Variants in EIF4B observed in about 807,000 individuals in gnomAD.
The protein encoded by EIF4B is eukaryotic translation initiation factor 4B.
EIF4B carries 8 observed loss-of-function variants against 79.3 expected under a neutral mutation model. The observed-to-expected ratio is 0.10, with a 90% CI of 0.06 to 0.18. The LOEUF (loss-of-function observed/expected upper bound fraction) is 0.18, where lower values mean the gene tolerates loss of function less well. Among genes scored for constraint, EIF4B ranks in the 10% least tolerant of loss-of-function variants. EIF4B has a pLI of 1.00. For synonymous variants in EIF4B, 238 were observed against 274.7 expected, an observed-to-expected ratio of 0.87 and a Z score of 1.32; for missense variants, 515 against 792.4, an observed-to-expected ratio of 0.65 and a Z score of 4.20.
chr12:53,022,592 A>G lies in EIF4B; in HGVS notation c.632A>G (p.Tyr211Cys), dbSNP rs1350965358. ...CCTGCTACAGACAGCTTTGATGACT[A>G]CCCACCTAGAAGAGGTGATGATAGC... ...ARPATDSFDDYPPRRGDDSFG... is the reference protein window; with the variant it reads ...ARPATDSFDDCPPRRGDDSFG... Residue 211 changes from tyrosine to cysteine, a missense_variant, in exon 6 of 15, where the codon TAC (tyrosine) becomes TGC (cysteine). Physicochemically the swap from Tyr to Cys is radical, Grantham distance 194. Around this residue, in one of 6 missense-constraint regions of EIF4B, gnomAD observed 187 missense variants for 256.5 expected, o/e 0.73. Transcript: ENST00000262056. The G allele has an allele frequency of 6.2e-7, 1 of 1,613,946 alleles. No individual in the cohort carries two copies. The highest frequency in any genetic ancestry group is 8.5e-7 in the Non-Finnish European group (1 of 1,179,904).
intron 6 of EIF4B, among the ~76,000 whole-genome samples, chr12:53,025,601 G>A (rs547373841): frequency 2.0e-5 from 3 of 152,112 alleles, no homozygotes; most frequent in East Asian, 1.9e-4. Flanking sequence ...AGTGTAAATC[G>A]CATCTCCAGA....
At chr12:53,022,360 G>T (rs1025381346) in intron 5 of EIF4B, 133 bp from the exon 6 acceptor site, 10 of 1,287,242 alleles carry the variant, frequency 7.8e-6, no homozygotes, top group Non-Finnish European at 1.1e-5. Flanking sequence ...TACTTATGGG[G>T]CCTGAGGTAA....
At chr12:53,031,666 A>G (rs988011798) in intron 8 of EIF4B, among the ~76,000 whole-genome samples, 1 of 152,248 alleles carries the variant, frequency 6.6e-6, no homozygotes, top group Non-Finnish European at 1.5e-5. Context: ...ACAGATTTAA[A>G]ATATGTTTAG....
At chr12:53,026,589 A>G (rs765163315) in intron 6 of EIF4B, among the ~76,000 whole-genome samples, 1 of 152,144 alleles carries the variant, frequency 6.6e-6, no homozygotes, top group South Asian at 2.1e-4. Flanking sequence ...TTCAGTATTT[A>G]TACTAATTTA....
At chr12:53,037,803 C>T (rs1337320976) in intron 11 of EIF4B, 181 bp downstream of exon 11, 5 of 665,236 alleles carry the variant, frequency 7.5e-6, no homozygotes, top group East Asian at 2.8e-5. Flanking sequence ...TCTGGAGTTC[C>T]ACCACTTTGA....
intron 8 of EIF4B, among the ~76,000 whole-genome samples, chr12:53,031,090 T>G (rs1943436554): frequency 6.6e-6 from 1 of 152,058 alleles, no homozygotes. Context: ...TTACTGGCCA[T>G]TGCCTCCTAA....
intron 8 of EIF4B, among the ~76,000 whole-genome samples, chr12:53,029,837 T>A (rs151094031): frequency 3.3e-4 from 51 of 152,274 alleles, no homozygotes; most frequent in African/African-American, 1.2e-3. Context: ...GCAATTCTAT[T>A]GCAGTGAGGT....
intron 10 of EIF4B, 100 bp downstream of exon 10, chr12:53,034,809 A>T (rs1267348235): frequency 7.3e-7 from 1 of 1,370,574 alleles, no homozygotes; most frequent in African/African-American, 1.4e-5. Flanking sequence ...TTCAGTCATG[A>T]ACTCTTTATT....
At chr12:53,021,409 AG>A (rs1271582986) in intron 4 of EIF4B, among the ~76,000 whole-genome samples, 1 of 152,226 alleles carries the variant, frequency 6.6e-6, no homozygotes, top group Non-Finnish European at 1.5e-5. Flanking sequence ...CTGAGACTGT[AG>A]GTACATGCCA....
chr12:53,009,193 G>A (rs1267579449), intron 1 of EIF4B, among the ~76,000 whole-genome samples: 1 of 152,106 alleles, frequency 6.6e-6, no homozygotes, highest in Non-Finnish European at 1.5e-5. Context: ...TACCTAGAGG[G>A]AATCAAATGC....
Position 53,037,397 on chromosome 12 carries a change from C to G in EIF4B, c.1307-12C>G. 1.2e-6 allele frequency: 2 copies of G among 1,608,780 alleles called. No homozygotes were observed. The highest frequency in any genetic ancestry group is 1.7e-6 in the Non-Finnish European group (2 of 1,178,242). ...AGCCTGATAATTTGATATTTTCACT[C>G]TGGCTTCACAGATGCACGAAGGAGA... is the stretch of plus-strand genomic sequence containing the variant. On this transcript the variant is annotated splice_polypyrimidine_tract_variant and intron_variant, in intron 10 of 14. Transcript: ENST00000262056.
chr12:53,011,766 C>A (rs538300047), intron 1 of EIF4B, among the ~76,000 whole-genome samples: 16 of 152,272 alleles, frequency 1.1e-4, no homozygotes, highest in African/African-American at 3.9e-4. Context: ...TTTTTAAGAT[C>A]TTTTATTAAA....
chr12:53,030,410 A>ATTTTTTTTTTTTTTTTTTTTTTTTT (rs1555153412), intron 8 of EIF4B, among the ~76,000 whole-genome samples: 21 of 34,232 alleles, frequency 6.1e-4, no homozygotes, highest in Non-Finnish European at 1.8e-3. Flanking sequence ...AAAAAATTAT[A>ATTTTTTTTTTTTTTTTTTTTTTTTT]TTCTTTTTTT....
chr12:53,024,984 T>A (rs1040577453), intron 6 of EIF4B, among the ~76,000 whole-genome samples: 59 of 152,258 alleles, frequency 3.9e-4, no homozygotes, highest in African/African-American at 1.4e-3. Context: ...GAGGTACCTT[T>A]TGAGCTTTGT....
chr12:53,007,420 CTTTTTTTTTTTTTTT>C (rs56017954), intron 1 of EIF4B, among the ~76,000 whole-genome samples: 2 of 92,248 alleles, frequency 2.2e-5, no homozygotes, highest in South Asian at 4.0e-4. Flanking sequence ...AGATTTCAGC[CTTTTTTTTTTTTTTT>C]TTTTTTTTTT....
chr12:53,029,564 C>T (rs550261436), intron 8 of EIF4B, among the ~76,000 whole-genome samples: 14 of 152,160 alleles, frequency 9.2e-5, no homozygotes, highest in African/African-American at 3.1e-4. Flanking sequence ...TTAGTAGAGA[C>T]AGGGTTTCAC....
chr12:53,015,680 C>CAA lies in EIF4B; in HGVS notation c.14-782_14-781dup, dbSNP rs35255041. Among the ~76,000 whole-genome samples the CAA allele has an allele frequency of 9.9e-3, 1,419 of 143,510 alleles. 26 individuals carry two copies. The highest frequency in any genetic ancestry group is 0.051 in the Admixed American group (731 of 14,350). 94.1% of individuals were successfully genotyped at this position (143,510 alleles called of 152,430 possible). A position where few individuals can be genotyped will look rare whatever the true frequency, so the allele number is the denominator to read the frequency against. Reference sequence around the variant, plus strand: ...TGGACAACAGAGCAAGACCCTGTCTCAAAAAAAAAAAATGGGGCCGGGTGT... The same window carrying CAA: ...TGGACAACAGAGCAAGACCCTGTCTCAAAAAAAAAAAAAATGGGGCCGGGTGT... On this transcript the variant is annotated intron_variant, in intron 1 of 14. Transcript: ENST00000262056.
At chr12:53,036,174 A>G (rs1943537991) in intron 10 of EIF4B, among the ~76,000 whole-genome samples, 1 of 151,476 alleles carries the variant, frequency 6.6e-6, no homozygotes, top group Non-Finnish European at 1.5e-5. Flanking sequence ...GTGCAATGGC[A>G]TGATCTCAGC....
intron 6 of EIF4B, among the ~76,000 whole-genome samples, chr12:53,023,578 A>AT (rs1210893432): frequency 0.065 from 7,073 of 109,200 alleles, 262 homozygotes; most frequent in South Asian, 0.15. Context: ...AAAATGTAAA[A>AT]TTTTTTTTTT....
Sources: gnomAD v4.1 joint callset for allele counts (sites outside exome capture counted in the v4.1 genomes callset) on GRCh38, gnomAD v4.1.1 for gene constraint, gnomAD v4.1.1 regional missense constraint, MANE v1.5 for transcripts, NCBI Gene and HGNC (gene_info 2026-07-23, HGNC 2026-07-21) for gene names.